REPS2: variants seen among roughly 807,000 people sequenced by gnomAD.
The protein encoded by REPS2 is ralBP1-associated Eps domain-containing protein 2.
REPS2 carries 23 observed loss-of-function variants against 53.6 expected under a neutral mutation model. The ratio of observed to expected loss-of-function variants is 0.43; its 90% CI spans 0.31 to 0.61. The LOEUF is 0.61. Ranked by LOEUF, REPS2 falls within the 20% of genes least tolerant of loss-of-function variation. The pLI, the probability that REPS2 is intolerant of heterozygous loss-of-function variation, is 0.11. For synonymous variants in REPS2, 238 were observed against 218.6 expected (o/e 1.09, Z -0.78); for missense variants, 446 against 534.9 (o/e 0.83, Z 1.64).
chrX:16,965,211 G>T (rs1452716940), intron 1 of REPS2, among the ~76,000 whole-genome samples: 1 of 100,840 alleles, frequency 9.9e-6, no homozygotes, highest in Non-Finnish European at 2.0e-5. Flanking sequence ...CAGTAGGGGC[G>T]GCTGGGCAGA....
intron 2 of REPS2, among the ~76,000 whole-genome samples, chrX:17,021,229 C>T (rs1035879602): frequency 6.2e-5 from 7 of 112,134 alleles, no homozygotes; most frequent in African/African-American, 9.7e-5. Context: ...TTTTGTGCTA[C>T]GTGATTGTGT....
the REPS2 span, among the ~76,000 whole-genome samples, chrX:17,159,277 C>G: frequency 1.8e-5 from 2 of 111,682 alleles, no homozygotes; most frequent in African/African-American, 6.5e-5. Flanking sequence ...TCAGTTTGAA[C>G]TTTTTATGTT....
chrX:17,035,006 C>T (rs1396046227), intron 5 of REPS2, among the ~76,000 whole-genome samples: 1 of 110,513 alleles, frequency 9.0e-6, no homozygotes, highest in East Asian at 2.9e-4. Flanking sequence ...CGTACCTCCT[C>T]CCCTAGATAT....
intron 15 of REPS2, among the ~76,000 whole-genome samples, chrX:17,134,561 T>G (rs751720417): frequency 8.9e-6 from 1 of 111,916 alleles, no homozygotes; most frequent in Admixed American, 9.4e-5. Context: ...GAATTGGGGA[T>G]AGGAGAATGA....
chrX:16,999,303 G>A (rs1366738205), intron 1 of REPS2, among the ~76,000 whole-genome samples: 1 of 109,134 alleles, frequency 9.2e-6, no homozygotes, highest in Non-Finnish European at 1.9e-5. Context: ...TGTAATTCTT[G>A]TGGATATTGC....
rs200278005 is a variant in REPS2, at chrX:17,025,023, G to C, written c.547-36G>C. The C allele has an allele frequency of 1.2e-5, 15 of 1,210,247 alleles. No homozygotes were observed. In the African/African-American group the frequency reaches 2.4e-4, roughly 20 times the overall value. ...CTGCAGCTCAGAACGCCAGGCTTGA[G>C]TGAGCGCCTCTGAACTCTGATCTGG... On this transcript the variant is annotated intron_variant, in intron 3 of 17. Coordinates refer to ENST00000357277, the MANE Select transcript of REPS2 (RefSeq NM_004726.3).
the REPS2 span, among the ~76,000 whole-genome samples, chrX:17,186,372 T>C: frequency 4.4e-5 from 5 of 112,589 alleles, no homozygotes; most frequent in African/African-American, 1.6e-4. Flanking sequence ...TGTGTGGACA[T>C]TCTGCTCAGA....
intron 1 of REPS2, among the ~76,000 whole-genome samples, chrX:17,002,132 T>C (rs1378818081): frequency 9.0e-6 from 1 of 111,071 alleles, no homozygotes; most frequent in African/African-American, 3.3e-5. Context: ...AGAAGGTGAA[T>C]AGTAAAGTAC....
At chrX:16,947,513 C>G (rs1021762507) in intron 1 of REPS2, among the ~76,000 whole-genome samples, 7 of 111,901 alleles carry the variant, frequency 6.3e-5, no homozygotes, top group Non-Finnish European at 1.3e-4. Context: ...CCTGCCCCTC[C>G]CTCTCCTGAG....
chrX:17,135,698 G>T (rs960908358), intron 16 of REPS2: 22 of 249,228 alleles, frequency 8.8e-5, no homozygotes, highest in African/African-American at 5.7e-4. Context: ...CCTCTTCCTT[G>T]TGAGGGCCCA....
At chrX:16,982,355 G>A (rs1304342214) in intron 1 of REPS2, among the ~76,000 whole-genome samples, 1 of 111,671 alleles carries the variant, frequency 9.0e-6, no homozygotes, top group Non-Finnish European at 1.9e-5. Flanking sequence ...CCTAGGAGTG[G>A]AATCATATAT....
Position 16,946,741 on chromosome X carries a change from CGGCGGCGGTGGT to C in REPS2, c.-112_-101del, listed in dbSNP as rs1164210740. The stretch of plus-strand genomic sequence containing the variant: ...CTGCGGGGCGTGGGGGTGGTGGTGG[CGGCGGCGGTGGT>C]GGCGGCGGCGGCGGCGGCGGCAGCT... On this transcript the variant is annotated 5_prime_UTR_variant, in exon 1 of 18. Transcript: ENST00000357277. 5.0e-5 allele frequency: 35 copies of C among 702,966 alleles called. No individual in the cohort carries two copies. The highest frequency in any genetic ancestry group is 1.6e-3 in the Middle Eastern group (2 of 1,263). The allele number at this position is 702,966 out of a possible 1,213,427, so 57.9% of individuals were successfully genotyped here. A position where few individuals can be genotyped will look rare whatever the true frequency, so the allele number is the denominator to read the frequency against.
chrX:17,159,696 T>G, the REPS2 span, among the ~76,000 whole-genome samples: 1 of 111,334 alleles, frequency 9.0e-6, no homozygotes, highest in African/African-American at 3.3e-5. Context: ...GCTAGACATG[T>G]GTTTGTTAAA....
chrX:17,134,244 C>T, intron 15 of REPS2, among the ~76,000 whole-genome samples: 1 of 111,847 alleles, frequency 8.9e-6, no homozygotes, highest in South Asian at 3.8e-4. Context: ...CTGTGAATAC[C>T]TCTTGGGGTG....
chrX:17,065,248 A>G lies in REPS2; in HGVS notation c.1209+2716A>G, dbSNP rs12690284. ...TTTTACATTCTTCCACTAGCAGTGTATGAGGGTTCCAATTTTCCCACATCC... is the reference window on the plus strand; with the variant it reads ...TTTTACATTCTTCCACTAGCAGTGTGTGAGGGTTCCAATTTTCCCACATCC... On this transcript the variant is annotated intron_variant, in intron 9 of 17. Transcript: ENST00000357277. 1.5e-4 allele frequency among the ~76,000 whole-genome samples: 17 copies of G among 112,401 alleles called. 2 individuals are homozygous for G. Among genetic ancestry groups the G allele is most frequent in the East Asian group, 8.4e-4 (3 of 3,576 alleles).
At chrX:17,013,012 C>T (rs1033237592) in intron 2 of REPS2, among the ~76,000 whole-genome samples, 2 of 112,398 alleles carry the variant, frequency 1.8e-5, no homozygotes, top group African/African-American at 6.5e-5. Context: ...CCCTTTGACT[C>T]CTCCCTTATC....
chrX:17,111,276 T>A (rs891391736), intron 14 of REPS2, among the ~76,000 whole-genome samples: 28 of 112,019 alleles, frequency 2.5e-4, no homozygotes, highest in African/African-American at 8.4e-4. Flanking sequence ...TCATGTAATA[T>A]ATAAGTCATT....
intron 14 of REPS2, among the ~76,000 whole-genome samples, chrX:17,131,366 G>A (rs1199479958): frequency 9.0e-6 from 1 of 111,523 alleles, no homozygotes; most frequent in East Asian, 2.8e-4. Context: ...TAGCCATAAC[G>A]TGTTAAATGG....
chrX:17,093,950 A>G (rs978299363), intron 13 of REPS2, among the ~76,000 whole-genome samples: 2 of 111,960 alleles, frequency 1.8e-5, no homozygotes, highest in South Asian at 7.4e-4. Context: ...TTTTGAAGCA[A>G]TAGAAACTGA....
Sources: gnomAD v4.1 joint callset for allele counts (sites outside exome capture counted in the v4.1 genomes callset) on GRCh38, gnomAD v4.1.1 for gene constraint, MANE v1.5 for transcripts, NCBI Gene and HGNC (gene_info 2026-07-23, HGNC 2026-07-21) for gene names.